Variants in MYO1D observed in about 807,000 individuals in gnomAD.
MYO1D encodes myosin ID.
A neutral mutation model predicts 122.0 loss-of-function variants in MYO1D; 83 were observed. The observed-to-expected ratio is 0.68, with a 90% CI of 0.57 to 0.82. MYO1D has a LOEUF of 0.82. MYO1D is among the 40% of genes least tolerant of loss of function. The pLI, the probability that MYO1D is intolerant of heterozygous loss-of-function variation, is 0.00. For missense variants in MYO1D, 1,157 were observed against 1,269.5 expected, an observed-to-expected ratio of 0.91 and a Z score of 1.35; for synonymous variants, 464 against 446.9, an observed-to-expected ratio of 1.04 and a Z score of -0.48.
intron 21 of MYO1D, among the ~76,000 whole-genome samples, chr17:32,533,060 C>G (rs943339200): frequency 4.0e-5 from 6 of 151,210 alleles, no homozygotes; most frequent in African/African-American, 1.5e-4. Context: ...GGTCTTCCTA[C>G]TCTTTTACCA....
chr17:32,711,178 T>C (rs1443960982), intron 16 of MYO1D, among the ~76,000 whole-genome samples: 2 of 152,124 alleles, frequency 1.3e-5, no homozygotes, highest in Non-Finnish European at 2.9e-5. Flanking sequence ...AAGAAATACA[T>C]GAATTAGTGA....
intron 13 of MYO1D, among the ~76,000 whole-genome samples, chr17:32,742,961 A>AG (rs922924840): frequency 3.3e-5 from 5 of 152,272 alleles, no homozygotes; most frequent in African/African-American, 1.2e-4. Flanking sequence ...CCTTGGCATT[A>AG]GCAAATCCAA....
At chr17:32,613,687 T>A (rs62068414) in intron 20 of MYO1D, among the ~76,000 whole-genome samples, 12,134 of 145,418 alleles carry the variant, frequency 0.083, 770 homozygotes, top group East Asian at 0.28. Context: ...GGCAGGAGAA[T>A]CGCATGAACC....
intron 19 of MYO1D, among the ~76,000 whole-genome samples, chr17:32,644,681 T>A (rs1244624090): frequency 3.9e-5 from 6 of 152,224 alleles, no homozygotes; most frequent in African/African-American, 1.4e-4. Context: ...GCCTTCTTTG[T>A]CTCTTTTGAT....
At chr17:32,835,216 G>C (rs1216174604) in intron 1 of MYO1D, among the ~76,000 whole-genome samples, 1 of 147,280 alleles carries the variant, frequency 6.8e-6, no homozygotes, top group African/African-American at 2.5e-5. Flanking sequence ...ACCATACCCT[G>C]CCTGGCTGCT....
In MYO1D at chr17:32,605,202, C is replaced by T; in HGVS notation, c.2749G>A (p.Val917Ile). ...LSVSNGKDQL[V>I]VFHTKDNKDL... ...TTGTTGTCTTTCGTATGGAACACTACAAGTTGGTCCTTTCCATTGGAGACA... is the reference window on the plus strand; with the variant it reads ...TTGTTGTCTTTCGTATGGAACACTATAAGTTGGTCCTTTCCATTGGAGACA... Residue 917 changes from valine (V) to isoleucine (I), a missense_variant, in exon 21 of 22, where the codon GTA becomes ATA. Coordinates refer to ENST00000318217, the MANE Select transcript of MYO1D (RefSeq NM_015194.3). 6.3e-7 allele frequency: 1 copy of T among 1,593,992 alleles called. No individual in the cohort carries two copies. The highest frequency in any genetic ancestry group is 8.6e-7 in the Non-Finnish European group (1 of 1,164,670).
chr17:32,702,237 G>A (rs920117954), intron 16 of MYO1D, among the ~76,000 whole-genome samples: 3 of 152,216 alleles, frequency 2.0e-5, no homozygotes, highest in South Asian at 4.1e-4. Flanking sequence ...ATATATGTAC[G>A]TGGTGTGCCT....
chr17:32,868,235 T>C (rs2091147111), intron 1 of MYO1D, among the ~76,000 whole-genome samples: 2 of 152,188 alleles, frequency 1.3e-5, no homozygotes, highest in African/African-American at 4.8e-5. Context: ...ACTGAGTATC[T>C]ACTATGCTTC....
intron 21 of MYO1D, among the ~76,000 whole-genome samples, chr17:32,554,910 A>G (rs992478536): frequency 6.6e-6 from 1 of 152,178 alleles, no homozygotes; most frequent in African/African-American, 2.4e-5. Flanking sequence ...GTAGCTTGGT[A>G]AGTGAAGTAT....
intron 6 of MYO1D, among the ~76,000 whole-genome samples, chr17:32,769,865 G>C (rs1483740442): frequency 6.6e-6 from 1 of 151,720 alleles, no homozygotes; most frequent in Non-Finnish European, 1.5e-5. Context: ...ATTTAACCTA[G>C]AAAAAAGGCT....
At chr17:32,625,703 G>C (rs1378650653) in intron 20 of MYO1D, among the ~76,000 whole-genome samples, 1 of 151,986 alleles carries the variant, frequency 6.6e-6, no homozygotes, top group East Asian at 1.9e-4. Context: ...GTTAATTTTT[G>C]TATTTTTTGT....
At chr17:32,829,736 G>C (rs1289840688) in intron 1 of MYO1D, among the ~76,000 whole-genome samples, 1 of 152,160 alleles carries the variant, frequency 6.6e-6, no homozygotes, top group Admixed American at 6.5e-5. Flanking sequence ...TTACAGGTGT[G>C]AGCCACCAAG....
At chr17:32,569,404 T>C (rs1230192423) in intron 21 of MYO1D, among the ~76,000 whole-genome samples, 1 of 152,230 alleles carries the variant, frequency 6.6e-6, no homozygotes, top group Non-Finnish European at 1.5e-5. Flanking sequence ...TTAACTTACA[T>C]GTGGTGTTCT....
At chr17:32,751,938 A>T (rs1251995119) in intron 11 of MYO1D, among the ~76,000 whole-genome samples, 1 of 152,192 alleles carries the variant, frequency 6.6e-6, no homozygotes, top group Non-Finnish European at 1.5e-5. Context: ...TAAAGTTCAT[A>T]TAGAACCAAA....
At chr17:32,752,643 CA>C (rs796202132) in intron 11 of MYO1D, among the ~76,000 whole-genome samples, 2 of 152,208 alleles carry the variant, frequency 1.3e-5, no homozygotes, top group African/African-American at 4.8e-5. Flanking sequence ...AGAAGAAATA[CA>C]AACAGCCAAC....
intron 6 of MYO1D, among the ~76,000 whole-genome samples, chr17:32,769,266 G>C (rs998429612): frequency 5.1e-4 from 77 of 152,240 alleles, no homozygotes; most frequent in Middle Eastern, 6.8e-3. Context: ...GACATTTTGG[G>C]ACTAAAAGGA....
chr17:32,688,413 T>C (rs962813097), intron 16 of MYO1D, among the ~76,000 whole-genome samples: 2 of 152,188 alleles, frequency 1.3e-5, no homozygotes, highest in African/African-American at 2.4e-5. Context: ...AGCAGGCACA[T>C]TGTTCCTGCT....
chr17:32,631,042 C>T (rs1478971743), intron 20 of MYO1D, among the ~76,000 whole-genome samples: 3 of 152,186 alleles, frequency 2.0e-5, no homozygotes, highest in African/African-American at 7.2e-5. Context: ...TTAATTACTA[C>T]TTTAAAGACC....
intron 21 of MYO1D, among the ~76,000 whole-genome samples, chr17:32,503,076 C>G (rs1909371801): frequency 6.6e-6 from 1 of 152,176 alleles, no homozygotes; most frequent in Non-Finnish European, 1.5e-5. Context: ...TTCATTTAGA[C>G]TCTTGTCTTC....
Sources: gnomAD v4.1 joint callset for allele counts (sites outside exome capture counted in the v4.1 genomes callset) on GRCh38, gnomAD v4.1.1 for gene constraint, MANE v1.5 for transcripts, NCBI Gene and HGNC (gene_info 2026-07-23, HGNC 2026-07-21) for gene names.